The following SCARA3 variants were observed in gnomAD, a reference collection of about 807,000 sequenced individuals.
SCARA3 encodes scavenger receptor class A member 3.
In SCARA3, 39 loss-of-function variants were observed where a neutral mutation model predicts 47.0. The ratio of observed to expected loss-of-function variants is 0.83; its 90% CI spans 0.64 to 1.08. The LOEUF (loss-of-function observed/expected upper bound fraction) is 1.08. Among genes scored for constraint, SCARA3 ranks in the 50% least tolerant of loss-of-function variants. The pLI, the probability that SCARA3 is intolerant of heterozygous loss-of-function variation, is 0.00. For missense variants in SCARA3, 724 were observed against 792.3 expected (o/e 0.91, Z 1.04); for synonymous variants, 356 against 334.1 (o/e 1.07, Z -0.71).
chr8:27,715,577 C>T, the SCARA3 span, among the ~76,000 whole-genome samples: 1 of 87,838 alleles, frequency 1.1e-5, no homozygotes, highest in Non-Finnish European at 2.1e-5. This position sits in a 1 kb window ranked among gnomAD's most constrained non-coding sequence, Gnocchi z 4.2. Flanking sequence ...TCCCACTTCG[C>T]ACCTAGATAG....
At chr8:27,652,865 AATC>A (rs1171447462) in intron 3 of SCARA3, among the ~76,000 whole-genome samples, 1 of 152,166 alleles carries the variant, frequency 6.6e-6, no homozygotes, top group Non-Finnish European at 1.5e-5. Context: ...AGATGAATTA[AATC>A]ATCATCTCTG....
At chr8:27,690,987 G>A in the SCARA3 span, among the ~76,000 whole-genome samples, 2 of 152,212 alleles carry the variant, frequency 1.3e-5, no homozygotes, top group African/African-American at 4.8e-5. Flanking sequence ...CAGGCCATAT[G>A]CATAGATGTT....
chr8:27,677,152 A>G (rs951573108), downstream of SCARA3, among the ~76,000 whole-genome samples: 1 of 152,232 alleles, frequency 6.6e-6, no homozygotes, highest in African/African-American at 2.4e-5. Context: ...CTTGAGTTGC[A>G]ACTAGCTTCC....
chr8:27,710,625 TATC>T, the SCARA3 span, among the ~76,000 whole-genome samples: 3 of 152,186 alleles, frequency 2.0e-5, no homozygotes, highest in Non-Finnish European at 4.4e-5. Context: ...AAATCCATAA[TATC>T]ATCAAATTTC....
intron 5 of SCARA3, among the ~76,000 whole-genome samples, chr8:27,665,850 C>T (rs1263582165): frequency 1.3e-5 from 2 of 152,206 alleles, no homozygotes; most frequent in East Asian, 3.8e-4. Flanking sequence ...GAGACCTAGG[C>T]TCCTTGTGTT....
the SCARA3 span, among the ~76,000 whole-genome samples, chr8:27,716,994 T>A: frequency 6.6e-6 from 1 of 152,128 alleles, no homozygotes; most frequent in African/African-American, 2.4e-5. Flanking sequence ...CAGAAAATAG[T>A]GCAAGAATCT....
chr8:27,651,435 A>G, intron 2 of SCARA3, 73 bp from the exon 3 acceptor site: 1 of 1,555,512 alleles, frequency 6.4e-7, no homozygotes, highest in Non-Finnish European at 8.7e-7. Context: ...CCAGAGCAGG[A>G]ACATGGAACT....
At chr8:27,663,633 T>A (rs1055396682) in intron 5 of SCARA3, among the ~76,000 whole-genome samples, 4 of 152,184 alleles carry the variant, frequency 2.6e-5, no homozygotes, top group Admixed American at 2.6e-4. Context: ...CAAGGCCCAG[T>A]AGAAGGTCAA....
At chr8:27,660,963 G>A (rs1370399059) in intron 5 of SCARA3, among the ~76,000 whole-genome samples, 9 of 152,180 alleles carry the variant, frequency 5.9e-5, no homozygotes, top group East Asian at 1.9e-4. Flanking sequence ...TCCAAAATCC[G>A]CAGAGCTGAT....
intron 4 of SCARA3, 70 bp downstream of exon 4, chr8:27,656,950 A>G: frequency 1.0e-6 from 1 of 968,764 alleles, no homozygotes; most frequent in Non-Finnish European, 1.7e-6. Context: ...TCCCCACGCT[A>G]CAGTGCCCCA....
At chr8:27,643,135 C>T (rs1168941038) in intron 1 of SCARA3, among the ~76,000 whole-genome samples, 1 of 152,190 alleles carries the variant, frequency 6.6e-6, no homozygotes, top group Non-Finnish European at 1.5e-5. Flanking sequence ...CAGAGTGGGC[C>T]GTGCTCATCT....
chr8:27,698,531 GACAA>G, the SCARA3 span, among the ~76,000 whole-genome samples: 1 of 152,110 alleles, frequency 6.6e-6, no homozygotes, highest in South Asian at 2.1e-4. Flanking sequence ...AACGAAATAA[GACAA>G]ACAAAGAAAT....
At chr8:27,668,263 G>C (rs900661596) in intron 5 of SCARA3, among the ~76,000 whole-genome samples, 1 of 152,174 alleles carries the variant, frequency 6.6e-6, no homozygotes, top group Admixed American at 6.5e-5. Context: ...ACAGATAGCC[G>C]GGCGCGGTGG....
At chr8:27,676,858 A>T, downstream of SCARA3, 1 of 281,460 alleles carries the variant, frequency 3.6e-6, no homozygotes, top group East Asian at 7.4e-5. Context: ...TGCGTCCAAC[A>T]CTCTGCCTTC....
rs371890046 is a variant in SCARA3, at chr8:27,651,563, G to A, written c.162G>A (p.Ser54=). ...AGAAGAACCTATCTTTGCACACATC[G>A]GTGCGGATTCTTTACCTCTTCCTGG... ...RCQKNLSLHT[S]VRILYLFLAL... The change falls in exon 3 of 6, where the codon TCG becomes TCA. Residue 54 remains serine (S), a synonymous_variant. Coordinates refer to ENST00000301904, the MANE Select transcript of SCARA3 (RefSeq NM_016240.3). 48 of 1,613,940 alleles carry A rather than the reference G, an allele frequency of 3.0e-5. No homozygotes were observed. Among genetic ancestry groups the A allele is most frequent in the Admixed American group, 1.3e-4 (8 of 60,006 alleles).
intron 5 of SCARA3, among the ~76,000 whole-genome samples, 191 bp from the exon 6 acceptor site, chr8:27,670,708 GA>G (rs1802125797): frequency 6.6e-6 from 1 of 152,124 alleles, no homozygotes; most frequent in African/African-American, 2.4e-5. Flanking sequence ...GGAGCTTCTC[GA>G]AGCTGGCCAG....
At chr8:27,655,820 AT>A in intron 3 of SCARA3, among the ~76,000 whole-genome samples, 1 of 152,212 alleles carries the variant, frequency 6.6e-6, no homozygotes. Flanking sequence ...AAAAGTAGTG[AT>A]TTTAAAGTGA....
At chr8:27,654,292 C>T (rs1413719702) in intron 3 of SCARA3, among the ~76,000 whole-genome samples, 1 of 152,014 alleles carries the variant, frequency 6.6e-6, no homozygotes, top group Admixed American at 6.5e-5. Flanking sequence ...AAATTGTTAG[C>T]GTCACAGCCC....
At chr8:27,716,214 G>T in the SCARA3 span, among the ~76,000 whole-genome samples, 2 of 152,150 alleles carry the variant, frequency 1.3e-5, no homozygotes, top group Non-Finnish European at 2.9e-5. Context: ...TTGGGAGGCT[G>T]AGGCGGGAGG....
Sources: gnomAD v4.1 joint callset for allele counts (sites outside exome capture counted in the v4.1 genomes callset) on GRCh38, gnomAD v4.1.1 for gene constraint, Gnocchi (gnomAD v3.1) non-coding constraint, MANE v1.5 for transcripts, NCBI Gene and HGNC (gene_info 2026-07-23, HGNC 2026-07-21) for gene names.